The following RTL1 variants were observed in gnomAD, a reference collection of about 807,000 sequenced individuals.
The protein encoded by RTL1 is retrotransposon-like protein 1.
For missense variants in RTL1, 1,681 were observed against 1,767.5 expected (o/e 0.95, Z 0.88); for synonymous variants, 727 against 748.4 (o/e 0.97, Z 0.47).
At chr14:100,891,067 TG>T (rs1448500815) in intron 3 of RTL1, among the ~76,000 whole-genome samples, 2 of 152,096 alleles carry the variant, frequency 1.3e-5, no homozygotes, top group Admixed American at 1.3e-4. Flanking sequence ...GTGAGATTCC[TG>T]GGGGCTTCCT....
rs750225489 is a variant in RTL1, at chr14:100,884,643, C to T, written c.146G>A (p.Ser49Asn). The T allele has an allele frequency of 3.1e-6, 5 of 1,613,520 alleles. No homozygotes were observed. In the Admixed American group the frequency reaches 8.3e-5, roughly 27 times the overall value. The change falls in exon 4 of 4, where the codon AGC (serine) becomes AAC (asparagine). Residue 49 changes from serine (S) to asparagine (N), a missense_variant. Coordinates refer to ENST00000649591, the MANE Select transcript of RTL1 (RefSeq NM_001134888.3). ...SGVRGEAGPA[S>N]GPAQEKKEPP... The stretch of plus-strand genomic sequence containing the variant: ...CTCCTTCTTTTCCTGGGCTGGGCCG[C>T]TGGCTGGCCCTGCCTCTCCCCGCAC...
intron 2 of RTL1, chr14:100,897,755 G>C (rs1595344968): frequency 4.5e-5 from 6 of 132,570 alleles, no homozygotes; most frequent in Non-Finnish European, 5.9e-5. Context: ...GGTTGGCGGG[G>C]GGGGGGGTGG....
chr14:100,881,817 C>A lies in RTL1; in HGVS notation c.2972G>T (p.Arg991Leu). ...GAGGTTTCTCACAGGTGGCAGAGCT[C>A]GGCCGCCGTCTTGTTCTGGCAGCTC... ...VMELPEQDGG[R>L]ALPPVRNLRW... is the part of the protein sequence containing the mutation. The change falls in exon 4 of 4, where the codon CGA becomes CTA. Residue 991 changes from arginine (R) to leucine (L), a missense_variant. Physicochemically the swap from Arg to Leu is moderately radical, Grantham distance 102 (BLOSUM62 -2). Transcript: ENST00000649591. The surrounding 1 kb of genome is among the most constrained non-coding windows in gnomAD (Gnocchi z 6.6). 1 of 1,613,894 alleles carries A rather than the reference C, an allele frequency of 6.2e-7. No individual in the cohort carries two copies. The highest frequency in any genetic ancestry group is 8.5e-7 in the Non-Finnish European group (1 of 1,180,014).
At chr14:100,897,914 C>T (rs565205049) in intron 2 of RTL1, 2 of 507,580 alleles carry the variant, frequency 3.9e-6, no homozygotes, top group South Asian at 1.4e-5. Context: ...TAAAAGGGGG[C>T]TTTTCTGGAC....
chr14:100,881,273 G>A lies in RTL1; in HGVS notation c.3516C>T (p.Arg1172=). The A allele has an allele frequency of 6.5e-7, 1 of 1,550,292 alleles. No individual in the cohort carries two copies. The highest frequency in any genetic ancestry group is 1.2e-5 in the South Asian group (1 of 84,028). ...ELAELFLGPG[R]WQRNALHSQA... ...GGGAGTGCAGAGCATTTCGCTGCCAGCGGCCAGGGCCCAGGAACAGCTCAG... is the reference window on the plus strand; with the variant it reads ...GGGAGTGCAGAGCATTTCGCTGCCAACGGCCAGGGCCCAGGAACAGCTCAG... Residue 1172 remains arginine (R), a synonymous_variant, in exon 4 of 4, where the codon CGC becomes CGT. Transcript: ENST00000649591. The surrounding 1 kb of genome is among the most constrained non-coding windows in gnomAD (Gnocchi z 6.6).
chr14:100,893,790 C>A lies in RTL1; in HGVS notation c.-148-285G>T, dbSNP rs574680629. Among the ~76,000 whole-genome samples, 1 of 152,220 alleles carries A rather than the reference C, an allele frequency of 6.6e-6. No homozygotes were observed. The highest frequency in any genetic ancestry group is 2.1e-4 in the South Asian group (1 of 4,834). On this transcript the variant is annotated intron_variant, in intron 2 of 3. Transcript: ENST00000649591. This position sits in a 1 kb window ranked among gnomAD's most constrained non-coding sequence, Gnocchi z 4.2. ...GCGAGGGCCTTCCTTTTATTATCCC[C>A]ATTTTTCAGAAGAGGAATCCGAGGC...
At chr14:100,886,919 C>G (rs904408712) in intron 3 of RTL1, among the ~76,000 whole-genome samples, 1 of 152,108 alleles carries the variant, frequency 6.6e-6, no homozygotes, top group South Asian at 2.1e-4. Flanking sequence ...TTTACAAATT[C>G]GACCATGTGA....
rs549610476 is a variant in RTL1, at chr14:100,883,960, C to G, written c.829G>C (p.Val277Leu). 112 of 1,551,684 alleles carry G rather than the reference C, an allele frequency of 7.2e-5. No individual in the cohort carries two copies. Among genetic ancestry groups the G allele is most frequent in the Non-Finnish European group, 9.6e-5 (110 of 1,146,996 alleles). ...FPAFLEAMSE[V>L]FEYRQALRVA... The stretch of plus-strand genomic sequence containing the variant: ...CGCAGTGCCTGGCGGTACTCAAACA[C>G]TTCGGACATGGCCTCCAGGAAGGCT... Residue 277 changes from valine to leucine, a missense_variant, in exon 4 of 4, where the codon GTG becomes CTG. Transcript: ENST00000649591. This position sits in a 1 kb window ranked among gnomAD's most constrained non-coding sequence, Gnocchi z 5.9.
At position 100,883,087 on chromosome 14, in the gene RTL1, G is replaced by T; in HGVS notation, c.1702C>A (p.Pro568Thr). The T allele has an allele frequency of 6.2e-7, 1 of 1,613,980 alleles. No homozygotes were observed. Among genetic ancestry groups the T allele is most frequent in the Non-Finnish European group, 8.5e-7 (1 of 1,179,982 alleles). Residue 568 changes from proline to threonine, a missense_variant, in exon 4 of 4, where the codon CCG (proline) becomes ACG (threonine). Physicochemically the swap from Pro to Thr is conservative, Grantham distance 38 (BLOSUM62 -1). Transcript: ENST00000649591. The surrounding 1 kb of genome is among the most constrained non-coding windows in gnomAD (Gnocchi z 5.9). Reference protein sequence around the residue: ...PYSDLADVFNPKEADDETSDQ... With the variant: ...PYSDLADVFNTKEADDETSDQ... ...GAAGTCTCATCATCTGCTTCCTTCG[G>T]GTTAAACACGTCGGCCAGGTCTGAG... is the stretch of plus-strand genomic sequence containing the variant.
chr14:100,883,096 C>T lies in RTL1; in HGVS notation c.1693G>A (p.Val565Met), dbSNP rs2038642282. The change falls in exon 4 of 4, where the codon GTG becomes ATG. Residue 565 changes from valine to methionine, a missense_variant. Transcript: ENST00000649591. The surrounding 1 kb of genome is among the most constrained non-coding windows in gnomAD (Gnocchi z 5.9). Reference sequence around the variant, plus strand: ...TCATCTGCTTCCTTCGGGTTAAACACGTCGGCCAGGTCTGAGTATGGGTGT... The same window carrying T: ...TCATCTGCTTCCTTCGGGTTAAACATGTCGGCCAGGTCTGAGTATGGGTGT... ...LPHPYSDLAD[V>M]FNPKEADDET... is the part of the protein sequence containing the mutation. The T allele has an allele frequency of 2.5e-6, 4 of 1,613,680 alleles. No homozygotes were observed. Among genetic ancestry groups the T allele is most frequent in the East Asian group, 4.5e-5 (2 of 44,864 alleles).
intron 2 of RTL1, chr14:100,897,834 T>G (rs910779287): frequency 2.2e-4 from 63 of 291,666 alleles, no homozygotes; most frequent in Non-Finnish European, 4.3e-4. Context: ...AGATTTGGGT[T>G]TGGGGAGTGG....
chr14:100,894,321 A>G (rs960315609), intron 2 of RTL1, among the ~76,000 whole-genome samples: 4 of 141,096 alleles, frequency 2.8e-5, no homozygotes, highest in African/African-American at 7.7e-5. Flanking sequence ...AAAAAAAAAA[A>G]AAAAAGAAAA....
In RTL1 at chr14:100,882,007, G is replaced by A. The variant is rs2038621719; in HGVS notation, c.2782C>T (p.Arg928Trp). The part of the protein sequence containing the change: ...SQAEMKILPI[R>W]AAFMVWCRYL... ...CGGCACCACACCATGAAGGCAGCCC[G>A]TATTGGAAGAATCTTCATCTCCGCT... Residue 928 changes from arginine (R) to tryptophan (W), a missense_variant, in exon 4 of 4, where the codon CGG becomes TGG. Transcript: ENST00000649591. The A allele has an allele frequency of 1.2e-6, 2 of 1,613,562 alleles. No homozygotes were observed. The highest frequency in any genetic ancestry group is 1.7e-6 in the Non-Finnish European group (2 of 1,179,806).
intron 3 of RTL1, among the ~76,000 whole-genome samples, chr14:100,890,074 G>GAAAA (rs55688942): frequency 2.1e-4 from 26 of 123,866 alleles, no homozygotes; most frequent in Admixed American, 3.5e-4. Context: ...CGCCTTATTT[G>GAAAA]AAAAAAAAAA....
chr14:100,887,203 C>T (rs1014993845), intron 3 of RTL1, among the ~76,000 whole-genome samples: 1 of 152,120 alleles, frequency 6.6e-6, no homozygotes, highest in Non-Finnish European at 1.5e-5. Flanking sequence ...ACTCCTAAAA[C>T]CCTTTATTGG....
intron 2 of RTL1, among the ~76,000 whole-genome samples, chr14:100,900,409 G>A (rs1288653823): frequency 6.6e-6 from 1 of 152,236 alleles, no homozygotes; most frequent in Non-Finnish European, 1.5e-5. Context: ...TCCGCTCTCC[G>A]AAATGTTTGA....
Position 100,880,469 on chromosome 14 carries a change from A to G in RTL1, c.*243T>C. 7.2e-6 allele frequency: 2 copies of G among 278,298 alleles called. No individual in the cohort carries two copies. Among genetic ancestry groups the G allele is most frequent in the Non-Finnish European group, 1.1e-5 (2 of 183,478 alleles). 17.2% of individuals were successfully genotyped at this position (278,298 alleles called of 1,614,324 possible). Reference sequence around the variant, plus strand: ...CCGGGCATGGGCTTGGGACCTGGAGAACGGAGAACTCGTAGCCCAGGGCTG... The same window carrying G: ...CCGGGCATGGGCTTGGGACCTGGAGGACGGAGAACTCGTAGCCCAGGGCTG... On this transcript the variant is annotated 3_prime_UTR_variant, in exon 4 of 4. Coordinates refer to ENST00000649591, the MANE Select transcript of RTL1 (RefSeq NM_001134888.3).
In RTL1 at chr14:100,901,875, C is replaced by A. The variant is rs74082836; in HGVS notation, c.-149+1416G>T. Reference sequence around the variant, plus strand: ...AGGCACCCCGCCAACCATCTCTGTGCCTTTGCCATTTAGCCCAGGGCAAGC... The same window carrying A: ...AGGCACCCCGCCAACCATCTCTGTGACTTTGCCATTTAGCCCAGGGCAAGC... On this transcript the variant is annotated intron_variant, in intron 2 of 3. Transcript: ENST00000649591. 4.6e-5 allele frequency among the ~76,000 whole-genome samples: 7 copies of A among 152,192 alleles called. No individual in the cohort carries two copies. In the East Asian group the frequency reaches 1.4e-3, roughly 29 times the overall value.
intron 2 of RTL1, chr14:100,897,987 G>A (rs1167618660): frequency 7.8e-6 from 4 of 514,162 alleles, no homozygotes; most frequent in Admixed American, 7.8e-5. Flanking sequence ...ACAAAACACT[G>A]AGGTCCATTA....
Sources: gnomAD v4.1 joint callset for allele counts (sites outside exome capture counted in the v4.1 genomes callset) on GRCh38, gnomAD v4.1.1 for gene constraint, Gnocchi (gnomAD v3.1) non-coding constraint, MANE v1.5 for transcripts, NCBI Gene and HGNC (gene_info 2026-07-23, HGNC 2026-07-21) for gene names.